Variants in ADGRB3 observed in about 807,000 individuals in gnomAD.
ADGRB3 encodes adhesion G protein-coupled receptor B3.
ADGRB3 carries 37 observed loss-of-function variants against 193.4 expected under a neutral mutation model. The ratio of observed to expected loss-of-function variants is 0.19; its 90% CI spans 0.15 to 0.25. The LOEUF (loss-of-function observed/expected upper bound fraction) is 0.25. ADGRB3 is among the 10% of genes least tolerant of loss of function. The pLI is 1.00. For synonymous variants in ADGRB3, 690 were observed against 644.2 expected, an observed-to-expected ratio of 1.07 and a Z score of -1.08; for missense variants, 1,637 against 1,852.9, an observed-to-expected ratio of 0.88 and a Z score of 2.14.
chr6:69,141,098 T>G (rs1183537394), intron 17 of ADGRB3, among the ~76,000 whole-genome samples: 2 of 134,150 alleles, frequency 1.5e-5, no homozygotes, highest in East Asian at 4.8e-4. Flanking sequence ...GGAAGTCAGT[T>G]TGGGGCAGGG....
chr6:68,695,890 A>G (rs547794360), intron 3 of ADGRB3, among the ~76,000 whole-genome samples: 4 of 152,146 alleles, frequency 2.6e-5, no homozygotes, highest in African/African-American at 9.6e-5. Flanking sequence ...GACACATTAA[A>G]TGTTGTGAGG....
chr6:69,296,632 G>C (rs939494472), intron 20 of ADGRB3, among the ~76,000 whole-genome samples: 8 of 152,054 alleles, frequency 5.3e-5, no homozygotes, highest in Non-Finnish European at 8.8e-5. Context: ...GAGTTCTTTG[G>C]AAACAGATGG....
At position 68,871,862 on chromosome 6, in the gene ADGRB3, T is replaced by G. The variant is rs576122910; in HGVS notation, c.758-58697T>G. ...ATGTTTTATCTCCCTAAAATCTACC[T>G]AAAGGCGAGAAAGAACATTTTTGTG... On this transcript the variant is annotated intron_variant, in intron 3 of 31. Transcript: ENST00000370598. Among the ~76,000 whole-genome samples, 15 of 152,248 alleles carry G rather than the reference T, an allele frequency of 9.9e-5. No individual in the cohort carries two copies. The East Asian group carries it at 2.9e-3, about 29-fold the overall frequency.
intron 13 of ADGRB3, among the ~76,000 whole-genome samples, chr6:69,020,132 A>T (rs899427088): frequency 6.6e-6 from 1 of 152,032 alleles, no homozygotes; most frequent in Non-Finnish European, 1.5e-5. Context: ...TTAAAATGAG[A>T]TAGAAAAACA....
chr6:69,240,063 T>A (rs16900585), intron 20 of ADGRB3, among the ~76,000 whole-genome samples: 21,429 of 152,082 alleles, frequency 0.14, 1,580 homozygotes, highest in Middle Eastern at 0.16. Flanking sequence ...GCCATCATTT[T>A]AAAATAATCA....
chr6:69,100,669 GT>G (rs1773005451), intron 17 of ADGRB3, among the ~76,000 whole-genome samples: 1 of 151,666 alleles, frequency 6.6e-6, no homozygotes, highest in Non-Finnish European at 1.5e-5. Flanking sequence ...ATTGCTAGAA[GT>G]TTTTCAAAAG....
At chr6:69,240,117 G>A (rs1260141348) in intron 20 of ADGRB3, among the ~76,000 whole-genome samples, 1 of 151,850 alleles carries the variant, frequency 6.6e-6, no homozygotes, top group Non-Finnish European at 1.5e-5. Context: ...ATATTCATAG[G>A]ACATGTATTA....
chr6:68,998,751 A>T (rs1769469222), intron 11 of ADGRB3, among the ~76,000 whole-genome samples: 1 of 152,234 alleles, frequency 6.6e-6, no homozygotes, highest in African/African-American at 2.4e-5. Flanking sequence ...CACCATTTTC[A>T]ACTAGCCACT....
At chr6:68,995,995 C>T (rs965443850) in intron 11 of ADGRB3, among the ~76,000 whole-genome samples, 15 of 152,082 alleles carry the variant, frequency 9.9e-5, no homozygotes, top group Non-Finnish European at 1.8e-4. Flanking sequence ...GGTTTATAAT[C>T]TTCATCAATA....
intron 5 of ADGRB3, among the ~76,000 whole-genome samples, chr6:68,942,012 C>T (rs916437347): frequency 5.3e-5 from 8 of 151,242 alleles, no homozygotes; most frequent in African/African-American, 1.9e-4. Flanking sequence ...TTTTTTGTCA[C>T]CCTCTTTTTT....
intron 20 of ADGRB3, among the ~76,000 whole-genome samples, chr6:69,243,183 T>G (rs1036778977): frequency 3.3e-5 from 5 of 151,860 alleles, no homozygotes; most frequent in Admixed American, 2.6e-4. Flanking sequence ...GGGAGATAGC[T>G]TCTCTCTCTC....
rs557498527 is a variant in ADGRB3, at chr6:68,931,560, C to T, written c.868+891C>T. ...ATGTCTTAAAAAATTGTATACATCT[C>T]AATGTTTTGCCATTAATACAGAAGT... On this transcript the variant is annotated intron_variant, in intron 4 of 31. Coordinates refer to ENST00000370598, the MANE Select transcript of ADGRB3 (RefSeq NM_001704.3). 8.9e-4 allele frequency among the ~76,000 whole-genome samples: 135 copies of T among 152,154 alleles called. No individual in the cohort carries two copies. The Middle Eastern group carries it at 0.01, about 12-fold the overall frequency.
chr6:69,316,843 G>A (rs1437899132), intron 20 of ADGRB3, among the ~76,000 whole-genome samples: 1 of 151,478 alleles, frequency 6.6e-6, no homozygotes, highest in East Asian at 1.9e-4. Flanking sequence ...ATGAGAACCA[G>A]TGAAAACAAA....
At chr6:69,254,545 T>C (rs1162192258) in intron 20 of ADGRB3, among the ~76,000 whole-genome samples, 1 of 152,148 alleles carries the variant, frequency 6.6e-6, no homozygotes, top group Non-Finnish European at 1.5e-5. Flanking sequence ...ATGTTTTTTC[T>C]TTTATTTTTT....
rs201242502 is a variant in ADGRB3, at chr6:69,119,216, A to G, written c.2480+43178A>G. On this transcript the variant is annotated intron_variant, in intron 17 of 31. Transcript: ENST00000370598. Reference sequence around the variant, plus strand: ...TAGGGAGAGTATTGATGAATGGCTGATTCTAACATCAGTTCATTAGCATGG... The same window carrying G: ...TAGGGAGAGTATTGATGAATGGCTGGTTCTAACATCAGTTCATTAGCATGG... Among the ~76,000 whole-genome samples, 15 of 152,362 alleles carry G rather than the reference A, an allele frequency of 9.8e-5. No homozygotes were observed. In the East Asian group the frequency reaches 2.9e-3, roughly 29 times the overall value.
intron 20 of ADGRB3, among the ~76,000 whole-genome samples, chr6:69,267,242 T>C (rs1166014109): frequency 1.3e-5 from 2 of 152,164 alleles, no homozygotes; most frequent in Non-Finnish European, 2.9e-5. Flanking sequence ...CTGTTGTTAG[T>C]TTCTGATGTT....
intron 14 of ADGRB3, among the ~76,000 whole-genome samples, chr6:69,048,712 G>A (rs138869486): frequency 3.8e-4 from 57 of 151,918 alleles, no homozygotes; most frequent in Non-Finnish European, 5.3e-4. Flanking sequence ...AATTTGCTTC[G>A]GTTTGAAGAT....
intron 17 of ADGRB3, among the ~76,000 whole-genome samples, chr6:69,076,741 T>C (rs1384246): frequency 0.68 from 102,889 of 151,842 alleles, 35,788 homozygotes; most frequent in East Asian, 0.96. Flanking sequence ...GTGTAGCTTA[T>C]AACTTTTATT....
chr6:69,307,303 T>C (rs1768086658), intron 20 of ADGRB3, among the ~76,000 whole-genome samples: 1 of 151,564 alleles, frequency 6.6e-6, no homozygotes, highest in South Asian at 2.1e-4. Flanking sequence ...GTTAAATTTC[T>C]TATGTATTTC....
Sources: gnomAD v4.1 joint callset for allele counts (sites outside exome capture counted in the v4.1 genomes callset) on GRCh38, gnomAD v4.1.1 for gene constraint, MANE v1.5 for transcripts, NCBI Gene and HGNC (gene_info 2026-07-23, HGNC 2026-07-21) for gene names.